Variants in C5orf24 observed in about 807,000 individuals in gnomAD.
C5orf24 encodes the protein UPF0461 protein C5orf24.
C5orf24 carries 4 observed loss-of-function variants against 9.8 expected under a neutral mutation model. That is an observed-to-expected ratio of 0.41 (90% CI 0.20 to 0.93). The LOEUF (loss-of-function observed/expected upper bound fraction) is 0.93, where lower values mean the gene tolerates loss of function less well. Among genes scored for constraint, C5orf24 ranks in the 40% least tolerant of loss-of-function variants. C5orf24 has a pLI of 0.33. For missense variants in C5orf24, 170 were observed against 236.9 expected (o/e 0.72, Z 1.85); for synonymous variants, 73 against 81.3 (o/e 0.90, Z 0.55).
chr5:134,855,735 T>G lies in C5orf24; in HGVS notation c.*268T>G. On this transcript the variant is annotated 3_prime_UTR_variant, in exon 2 of 2. Coordinates refer to ENST00000394976, the MANE Select transcript of C5orf24 (RefSeq NM_001135586.1). ...TTTCCTTTAGAGTTATGGTCATGTC[T>G]CATGTTTCATTACTACTTTGGGGCT... The G allele has an allele frequency of 3.8e-6, 5 of 1,323,820 alleles. No homozygotes were observed. The highest frequency in any genetic ancestry group is 4.9e-6 in the Non-Finnish European group (5 of 1,030,302). 82.0% of individuals were successfully genotyped at this position (1,323,820 alleles called of 1,614,324 possible).
chr5:134,841,955 C>A (rs571563221), upstream of C5orf24, among the ~76,000 whole-genome samples: 1 of 152,142 alleles, frequency 6.6e-6, no homozygotes, highest in African/African-American at 2.4e-5. Flanking sequence ...CAATGTGAGT[C>A]TAAAAAACTA....
At chr5:134,837,681 A>T in the C5orf24 span, among the ~76,000 whole-genome samples, 1 of 151,716 alleles carries the variant, frequency 6.6e-6, no homozygotes, top group African/African-American at 2.4e-5. Flanking sequence ...AAAAAAAAAA[A>T]GCTGTCTGTG....
At chr5:134,853,741 A>G (rs1756230895) in intron 1 of C5orf24, among the ~76,000 whole-genome samples, 1 of 152,072 alleles carries the variant, frequency 6.6e-6, no homozygotes, top group African/African-American at 2.4e-5. Context: ...CAAGGGAGAA[A>G]GCAATGTTGT....
intron 1 of C5orf24, among the ~76,000 whole-genome samples, chr5:134,853,525 CTTCTTTTTT>C (rs1360674893): frequency 7.8e-6 from 1 of 127,530 alleles, no homozygotes; most frequent in Admixed American, 8.3e-5. Context: ...TCTTCTTCTT[CTTCTTTTTT>C]TTTTTTTTTT....
intron 1 of C5orf24, among the ~76,000 whole-genome samples, chr5:134,850,937 T>TATACACACACAC (rs762710710): frequency 3.4e-5 from 5 of 146,992 alleles, no homozygotes; most frequent in African/African-American, 7.5e-5. Context: ...TATATATATA[T>TATACACACACAC]ACACACACAC....
chr5:134,855,858 T>A lies in C5orf24; in HGVS notation c.*391T>A. 1 of 1,022,412 alleles carries A rather than the reference T, an allele frequency of 9.8e-7. No homozygotes were observed. Among genetic ancestry groups the A allele is most frequent in the Non-Finnish European group, 1.2e-6 (1 of 845,616 alleles). 63.3% of individuals were successfully genotyped at this position (1,022,412 alleles called of 1,614,324 possible). The stretch of plus-strand genomic sequence containing the variant: ...GTATAATAAAGACACTAACGTATTT[T>A]TAACTGATGGAGCAAAAAAGCAAAC... On this transcript the variant is annotated 3_prime_UTR_variant, in exon 2 of 2. Transcript: ENST00000394976.
intron 1 of C5orf24, among the ~76,000 whole-genome samples, chr5:134,849,523 A>C (rs529899834): frequency 0.012 from 1,819 of 151,984 alleles, 37 homozygotes; most frequent in African/African-American, 0.042. Context: ...TCTCATATTA[A>C]ATTCCTTGTC....
chr5:134,850,772 C>T lies in C5orf24; in HGVS notation c.-3-4126C>T, dbSNP rs1756135248. On this transcript the variant is annotated intron_variant, in intron 1 of 1. Transcript: ENST00000394976. ...GATTAGAGGCATGAGTCACCATGCC[C>T]AGCCGCACGACTAATTTTTTAATGG... Among the ~76,000 whole-genome samples, 3 of 151,780 alleles carry T rather than the reference C, an allele frequency of 2.0e-5. No homozygotes were observed. The South Asian group carries it at 6.2e-4, about 32-fold the overall frequency.
chr5:134,851,899 C>G (rs1425092521), intron 1 of C5orf24, among the ~76,000 whole-genome samples: 1 of 152,168 alleles, frequency 6.6e-6, no homozygotes, highest in South Asian at 2.1e-4. Context: ...CCTTTTTTCT[C>G]ATCTGAAATT....
At chr5:134,835,947 C>T in the C5orf24 span, among the ~76,000 whole-genome samples, 4 of 151,976 alleles carry the variant, frequency 2.6e-5, no homozygotes, top group Non-Finnish European at 5.9e-5. Flanking sequence ...AATCCTCCTT[C>T]CTCTACTGGG....
the C5orf24 span, among the ~76,000 whole-genome samples, chr5:134,837,736 T>A: frequency 6.6e-6 from 1 of 152,022 alleles, no homozygotes; most frequent in South Asian, 2.1e-4. Flanking sequence ...TGGCCAGTAC[T>A]TTGACCTTGG....
the C5orf24 span, among the ~76,000 whole-genome samples, chr5:134,839,493 T>TACTA: frequency 6.6e-6 from 1 of 152,176 alleles, no homozygotes; most frequent in Admixed American, 6.6e-5. Context: ...TAACAATAAA[T>TACTA]ACTATATAGA....
intron 1 of C5orf24, among the ~76,000 whole-genome samples, chr5:134,849,339 T>C (rs1208661862): frequency 5.3e-5 from 8 of 152,190 alleles, no homozygotes; most frequent in African/African-American, 1.9e-4. Context: ...TAAGCTCACA[T>C]GCAAATACTT....
intron 1 of C5orf24, among the ~76,000 whole-genome samples, chr5:134,848,758 C>T (rs1287887729): frequency 1.3e-5 from 2 of 148,278 alleles, no homozygotes; most frequent in Admixed American, 6.8e-5. Context: ...GTCAGGAGTT[C>T]GAGACCAGCC....
chr5:134,833,848 G>A, the C5orf24 span, among the ~76,000 whole-genome samples: 2 of 152,218 alleles, frequency 1.3e-5, no homozygotes, highest in East Asian at 3.9e-4. Flanking sequence ...TTACATGACT[G>A]GTGAGGAATT....
rs144738345 is a variant in C5orf24 at position 134,848,309 on chromosome 5, TCAAAACAAAA to T, written c.-4+2113_-4+2122del. ...CTGGGCGACAGAGCAAGACTCCATA[TCAAAACAAAA>T]CAAAACAAAACAAAAAACAAATGTC... On this transcript the variant is annotated intron_variant, in intron 1 of 1. Transcript: ENST00000394976. Among the ~76,000 whole-genome samples the T allele has an allele frequency of 6.1e-3, 898 of 147,822 alleles. 6 individuals are homozygous for T. The highest frequency in any genetic ancestry group is 9.5e-3 in the Non-Finnish European group (637 of 66,896).
In C5orf24 at chr5:134,859,715, A is replaced by G. The variant is rs1417849583; in HGVS notation, c.*4248A>G. The G allele has an allele frequency of 6.0e-6, 1 of 166,770 alleles. No homozygotes were observed. Among genetic ancestry groups the G allele is most frequent in the Non-Finnish European group, 1.5e-5 (1 of 68,124 alleles). 10.3% of individuals were successfully genotyped at this position (166,770 alleles called of 1,614,324 possible). A position where few individuals can be genotyped will look rare whatever the true frequency, so the allele number is the denominator to read the frequency against. The stretch of plus-strand genomic sequence containing the variant: ...ATCATATGGATGTATATTTATTAAT[A>G]AAGTCATTACTTTAAAACCAGCTAT... On this transcript the variant is annotated 3_prime_UTR_variant, in exon 2 of 2. Transcript: ENST00000394976.
chr5:134,852,589 G>A (rs192779755), intron 1 of C5orf24, among the ~76,000 whole-genome samples: 1 of 152,186 alleles, frequency 6.6e-6, no homozygotes, highest in African/African-American at 2.4e-5. Context: ...AGGTTTTGGT[G>A]CACTCTCACA....
rs1756390172 is a variant in C5orf24 at position 134,859,369 on chromosome 5, T to C, written c.*3902T>C. The C allele has an allele frequency of 6.0e-6, 1 of 166,954 alleles. No homozygotes were observed. Among genetic ancestry groups the C allele is most frequent in the Non-Finnish European group, 1.5e-5 (1 of 68,068 alleles). 10.3% of individuals were successfully genotyped at this position (166,954 alleles called of 1,614,324 possible). A position where few individuals can be genotyped will look rare whatever the true frequency, so the allele number is the denominator to read the frequency against. On this transcript the variant is annotated 3_prime_UTR_variant, in exon 2 of 2. Transcript: ENST00000394976. ...GGATGTATCTGAATCTTTCCTTTTTTCCCCCCTCCTCCAAATATATAAATC... is the reference window on the plus strand; with the variant it reads ...GGATGTATCTGAATCTTTCCTTTTTCCCCCCCTCCTCCAAATATATAAATC...
Sources: allele counts gnomAD v4.1 joint callset (sites outside exome capture counted in the v4.1 genomes callset), GRCh38; gene constraint gnomAD v4.1.1; transcripts MANE v1.5; gene names NCBI Gene and HGNC (gene_info 2026-07-23, HGNC 2026-07-21).